Variants in CFAP299 observed in about 807,000 individuals in gnomAD.
CFAP299 encodes the protein cilia- and flagella-associated protein 299.
CFAP299 carries 21 observed loss-of-function variants against 27.0 expected under a neutral mutation model. The observed-to-expected ratio is 0.78, with a 90% CI of 0.55 to 1.12. The LOEUF (loss-of-function observed/expected upper bound fraction) is 1.12, where lower values mean the gene tolerates loss of function less well. Among genes scored for constraint, CFAP299 ranks in the 50% most tolerant of loss-of-function variants. CFAP299 has a pLI of 0.00. For synonymous variants in CFAP299, 104 were observed against 98.1 expected (o/e 1.06, Z -0.36); for missense variants, 310 against 276.6 (o/e 1.12, Z -0.86).
intron 3 of CFAP299, among the ~76,000 whole-genome samples, chr4:80,661,053 C>T (rs1392509077): frequency 9.3e-5 from 14 of 150,092 alleles, no homozygotes; most frequent in African/African-American, 1.2e-4. Flanking sequence ...GAGCCGGGCA[C>T]GGTGGCTCAC....
At chr4:80,486,451 C>G (rs1317590347) in intron 2 of CFAP299, among the ~76,000 whole-genome samples, 1 of 152,206 alleles carries the variant, frequency 6.6e-6, no homozygotes, top group Admixed American at 6.5e-5. Flanking sequence ...GGAAAAAGTT[C>G]TAGCCCTAAT....
chr4:80,723,096 T>C (rs2110047451), intron 3 of CFAP299, among the ~76,000 whole-genome samples: 1 of 152,220 alleles, frequency 6.6e-6, no homozygotes, highest in Non-Finnish European at 1.5e-5. Flanking sequence ...AACCTGACCA[T>C]ACCAACTGTT....
chr4:80,795,688 G>A (rs1182441386), intron 3 of CFAP299, among the ~76,000 whole-genome samples: 1 of 152,108 alleles, frequency 6.6e-6, no homozygotes, highest in African/African-American at 2.4e-5. Flanking sequence ...ATTTGATGAT[G>A]GAATACTGCT....
At chr4:80,654,983 A>G (rs1412476575) in intron 3 of CFAP299, among the ~76,000 whole-genome samples, 1 of 152,022 alleles carries the variant, frequency 6.6e-6, no homozygotes, top group Non-Finnish European at 1.5e-5. Context: ...AAACATCCAC[A>G]CACTTTTATT....
chr4:80,548,876 G>A (rs1734368033), intron 2 of CFAP299, among the ~76,000 whole-genome samples: 1 of 152,066 alleles, frequency 6.6e-6, no homozygotes, highest in African/African-American at 2.4e-5. Flanking sequence ...GGTCAGTAAG[G>A]GCTTTATGAG....
At chr4:80,451,867 A>G (rs1165188467) in intron 2 of CFAP299, among the ~76,000 whole-genome samples, 1 of 152,220 alleles carries the variant, frequency 6.6e-6, no homozygotes, top group Non-Finnish European at 1.5e-5. Context: ...TTAAATCTAA[A>G]GCCTGAGTCT....
chr4:80,395,804 C>A (rs1389481767), intron 2 of CFAP299, among the ~76,000 whole-genome samples: 1 of 152,094 alleles, frequency 6.6e-6, no homozygotes, highest in Non-Finnish European at 1.5e-5. Flanking sequence ...TTAATAAATT[C>A]ATTGAATCAA....
At chr4:80,548,805 C>G (rs1734364994) in intron 2 of CFAP299, among the ~76,000 whole-genome samples, 1 of 152,028 alleles carries the variant, frequency 6.6e-6, no homozygotes, top group Non-Finnish European at 1.5e-5. Context: ...TTGTCAGGTT[C>G]TATAATTGTC....
chr4:80,433,430 G>A (rs914414401), intron 2 of CFAP299, among the ~76,000 whole-genome samples: 7 of 152,048 alleles, frequency 4.6e-5, no homozygotes, highest in Non-Finnish European at 8.8e-5. Flanking sequence ...TGGGAAAATA[G>A]AAAGAATACT....
chr4:80,540,825 G>C (rs1230279984), intron 2 of CFAP299, among the ~76,000 whole-genome samples: 1 of 152,112 alleles, frequency 6.6e-6, no homozygotes, highest in Non-Finnish European at 1.5e-5. Context: ...ATGCCACCAA[G>C]TATTTATTTC....
chr4:80,459,392 C>T (rs369668928), intron 2 of CFAP299, among the ~76,000 whole-genome samples: 7 of 152,234 alleles, frequency 4.6e-5, no homozygotes, highest in East Asian at 3.9e-4. Context: ...TGCAAGATGC[C>T]GGAAGTATGC....
At chr4:80,902,022 GA>G (rs1383591052) in intron 4 of CFAP299, among the ~76,000 whole-genome samples, 1 of 151,860 alleles carries the variant, frequency 6.6e-6, no homozygotes, top group African/African-American at 2.4e-5. Context: ...ATGGCATTGT[GA>G]AAAACAGTTC....
intron 3 of CFAP299, among the ~76,000 whole-genome samples, chr4:80,660,362 A>G (rs186724191): frequency 6.7e-4 from 102 of 152,316 alleles, no homozygotes; most frequent in Admixed American, 2.7e-3. Context: ...AAATTTGGTC[A>G]AACCAACTAT....
chr4:80,568,205 T>A (rs915079781), intron 2 of CFAP299, among the ~76,000 whole-genome samples: 125 of 151,974 alleles, frequency 8.2e-4, no homozygotes, highest in African/African-American at 2.9e-3. Flanking sequence ...ATTTTATATA[T>A]GTGTATGCTT....
intron 4 of CFAP299, among the ~76,000 whole-genome samples, chr4:80,914,158 A>T (rs1317484496): frequency 6.6e-6 from 1 of 152,232 alleles, no homozygotes; most frequent in Non-Finnish European, 1.5e-5. Flanking sequence ...GTATGAACAC[A>T]CAAGTCTGTG....
chr4:80,345,250 C>A (rs1722665694), intron 1 of CFAP299, among the ~76,000 whole-genome samples: 1 of 152,002 alleles, frequency 6.6e-6, no homozygotes, highest in Admixed American at 6.6e-5. Flanking sequence ...CCCATTGTCC[C>A]AGCCCAACAG....
At chr4:80,590,990 T>C (rs1736715869) in intron 3 of CFAP299, among the ~76,000 whole-genome samples, 1 of 152,024 alleles carries the variant, frequency 6.6e-6, no homozygotes, top group Non-Finnish European at 1.5e-5. Flanking sequence ...GAGTATTAGG[T>C]ATAATAGTTA....
chr4:80,955,242 T>C (rs939959740), intron 5 of CFAP299, among the ~76,000 whole-genome samples: 3 of 152,116 alleles, frequency 2.0e-5, no homozygotes, highest in African/African-American at 7.2e-5. Flanking sequence ...GGCAAAGCTC[T>C]TAAGAGGAGC....
At chr4:80,387,653 G>C in intron 2 of CFAP299, 1 of 1,540,842 alleles carries the variant, frequency 6.5e-7, no homozygotes, top group Admixed American at 1.7e-5. Flanking sequence ...TTGTGGGTCT[G>C]CATGTGTTTC....
Sources: allele counts gnomAD v4.1 joint callset (sites outside exome capture counted in the v4.1 genomes callset), GRCh38; gene constraint gnomAD v4.1.1; transcripts MANE v1.5; gene names NCBI Gene and HGNC (gene_info 2026-07-23, HGNC 2026-07-21).